JAM3: variants seen among roughly 807,000 people sequenced by gnomAD.
The protein encoded by JAM3 is junctional adhesion molecule C.
In JAM3, 31 loss-of-function variants were observed where a neutral mutation model predicts 39.4. The observed-to-expected ratio is 0.79, with a 90% CI of 0.59 to 1.06. The LOEUF (loss-of-function observed/expected upper bound fraction) is 1.06, where lower values mean the gene tolerates loss of function less well. Ranked by LOEUF, JAM3 falls within the 50% of genes least tolerant of loss-of-function variation. JAM3 has a pLI of 0.00. For synonymous variants in JAM3, 182 were observed against 148.7 expected, an observed-to-expected ratio of 1.22 and a Z score of -1.63; for missense variants, 455 against 391.4, an observed-to-expected ratio of 1.16 and a Z score of -1.37.
intron 1 of JAM3, among the ~76,000 whole-genome samples, chr11:134,090,896 A>G (rs182048686): frequency 1.1e-4 from 17 of 152,360 alleles, no homozygotes; most frequent in African/African-American, 4.1e-4. Context: ...TTCAAGTCCC[A>G]AACTTGAGTT....
chr11:134,097,568 G>A (rs1036583410), intron 1 of JAM3, among the ~76,000 whole-genome samples: 5 of 152,104 alleles, frequency 3.3e-5, no homozygotes, highest in African/African-American at 1.2e-4. Flanking sequence ...GCTGACTTCT[G>A]GTTGTGTAGT....
chr11:134,085,814 A>G (rs1452280210), intron 1 of JAM3, among the ~76,000 whole-genome samples: 1 of 152,204 alleles, frequency 6.6e-6, no homozygotes, highest in Non-Finnish European at 1.5e-5. Flanking sequence ...AGAACATCAC[A>G]GTGTAAGGAG....
intron 1 of JAM3, among the ~76,000 whole-genome samples, chr11:134,118,086 G>T (rs771632989): frequency 2.0e-4 from 31 of 152,144 alleles, no homozygotes; most frequent in Non-Finnish European, 4.0e-4. Flanking sequence ...TTCATGCCAA[G>T]GTCTTATGCT....
intron 3 of JAM3, among the ~76,000 whole-genome samples, chr11:134,143,811 A>G (rs60632066): frequency 0.16 from 23,987 of 152,216 alleles, 2,034 homozygotes; most frequent in African/African-American, 0.22. Flanking sequence ...TTTAACTCCT[A>G]TGTTAGGTCT....
chr11:134,101,963 A>G (rs1385993089), intron 1 of JAM3, among the ~76,000 whole-genome samples: 1 of 152,174 alleles, frequency 6.6e-6, no homozygotes, highest in African/African-American at 2.4e-5. Flanking sequence ...CTGAGGTGGG[A>G]GAATTGCTTG....
intron 1 of JAM3, among the ~76,000 whole-genome samples, chr11:134,102,610 C>A (rs1019248995): frequency 6.6e-6 from 1 of 152,094 alleles, no homozygotes; most frequent in Non-Finnish European, 1.5e-5. Context: ...AAGCTAAAAA[C>A]CTTGAAAAAA....
At position 134,100,764 on chromosome 11, in the gene JAM3, G is replaced by A. The variant is rs118064002; in HGVS notation, c.76+31605G>A. Among the ~76,000 whole-genome samples, 169 of 152,330 alleles carry A rather than the reference G, an allele frequency of 1.1e-3. 1 individual carries two copies. The East Asian group carries it at 0.029, about 26-fold the overall frequency. On this transcript the variant is annotated intron_variant, in intron 1 of 8. Coordinates refer to ENST00000299106, the MANE Select transcript of JAM3 (RefSeq NM_032801.5). Reference sequence around the variant, plus strand: ...TCCCCATCGTATGGATGAGAAAACAGAAAGATTGGTGAACATCCAAGCCAG... The same window carrying A: ...TCCCCATCGTATGGATGAGAAAACAAAAAGATTGGTGAACATCCAAGCCAG...
chr11:134,128,216 C>A (rs890636036), intron 1 of JAM3, among the ~76,000 whole-genome samples: 1 of 151,564 alleles, frequency 6.6e-6, no homozygotes, highest in Non-Finnish European at 1.5e-5. Context: ...GCTGGGGATG[C>A]CATTCCATGT....
At chr11:134,117,897 A>T (rs1942467304) in intron 1 of JAM3, among the ~76,000 whole-genome samples, 1 of 152,230 alleles carries the variant, frequency 6.6e-6, no homozygotes, top group African/African-American at 2.4e-5. Context: ...TGTGAGCCCT[A>T]AAGAGGCTAT....
At chr11:134,133,483 CTGAG>C (rs1294961408) in intron 1 of JAM3, among the ~76,000 whole-genome samples, 5 of 152,092 alleles carry the variant, frequency 3.3e-5, no homozygotes, top group Non-Finnish European at 5.9e-5. Context: ...TCCTAGTTTA[CTGAG>C]TGTTTTTATC....
In JAM3 at chr11:134,140,764, A is replaced by T. The variant is rs1226657221; in HGVS notation, c.250A>T (p.Ile84Phe). The T allele has an allele frequency of 3.1e-6, 5 of 1,613,104 alleles. No individual in the cohort carries two copies. Among genetic ancestry groups the T allele is most frequent in the Non-Finnish European group, 4.2e-6 (5 of 1,179,526 alleles). Residue 84 changes from isoleucine to phenylalanine, a missense_variant, in exon 3 of 9, where the codon ATT (isoleucine) becomes TTT (phenylalanine). Coordinates refer to ENST00000299106, the MANE Select transcript of JAM3 (RefSeq NM_032801.5). ...QTTYVFFDNK[I>F]QGDLAGRAEI... ...CACATATGTGTTTTTTGACAACAAA[A>T]TTCAGGGTATGATCCTGTAGTCCTC...
At chr11:134,091,741 G>A (rs1009685566) in intron 1 of JAM3, among the ~76,000 whole-genome samples, 1 of 151,982 alleles carries the variant, frequency 6.6e-6, no homozygotes, top group African/African-American at 2.4e-5. Context: ...CTGGATCAAG[G>A]ATGTATCATG....
rs191069572 is a variant in JAM3 at position 134,127,599 on chromosome 11, C to T, written c.77-12252C>T. On this transcript the variant is annotated intron_variant, in intron 1 of 8. Coordinates refer to ENST00000299106, the MANE Select transcript of JAM3 (RefSeq NM_032801.5). ...TCTGTAGTCCCAGCTACTCTGGAGGCTCAGGCAGGAGGATCACTTGAGCCC... is the reference window on the plus strand; with the variant it reads ...TCTGTAGTCCCAGCTACTCTGGAGGTTCAGGCAGGAGGATCACTTGAGCCC... Among the ~76,000 whole-genome samples the T allele has an allele frequency of 2.3e-3, 350 of 152,272 alleles. 1 individual carries two copies. The highest frequency in any genetic ancestry group is 0.017 in the South Asian group (80 of 4,810).
At chr11:134,071,893 C>T (rs560010540) in intron 1 of JAM3, among the ~76,000 whole-genome samples, 16 of 152,254 alleles carry the variant, frequency 1.1e-4, no homozygotes, top group African/African-American at 3.6e-4. Flanking sequence ...GCTGCTCATT[C>T]CCACATGACT....
At chr11:134,070,380 A>G in intron 1 of JAM3, 1 of 372,218 alleles carries the variant, frequency 2.7e-6, no homozygotes, top group East Asian at 7.2e-5. Context: ...TAAAACACGG[A>G]GGGACTGTTT....
At chr11:134,121,613 C>T (rs1194207289) in intron 1 of JAM3, among the ~76,000 whole-genome samples, 7 of 152,116 alleles carry the variant, frequency 4.6e-5, no homozygotes, top group Admixed American at 1.3e-4. Flanking sequence ...AGCAATACTT[C>T]ATTAAATCCA....
intron 1 of JAM3, among the ~76,000 whole-genome samples, chr11:134,080,603 C>T (rs1013077875): frequency 6.6e-6 from 1 of 152,196 alleles, no homozygotes; most frequent in African/African-American, 2.4e-5. Flanking sequence ...ATGCCTTTTA[C>T]CTTCTGCCGT....
intron 3 of JAM3, among the ~76,000 whole-genome samples, chr11:134,142,129 A>G (rs769678579): frequency 1.3e-5 from 2 of 152,244 alleles, no homozygotes; most frequent in South Asian, 4.2e-4. Context: ...CATCAGAGGA[A>G]CCAGGTGAGA....
At chr11:134,126,677 CAG>C (rs1344208648) in intron 1 of JAM3, among the ~76,000 whole-genome samples, 1 of 152,174 alleles carries the variant, frequency 6.6e-6, no homozygotes, top group Non-Finnish European at 1.5e-5. Flanking sequence ...AAGTCTATGA[CAG>C]AGCTAGGATA....
Sources: allele counts gnomAD v4.1 joint callset (sites outside exome capture counted in the v4.1 genomes callset), GRCh38; gene constraint gnomAD v4.1.1; transcripts MANE v1.5; gene names NCBI Gene and HGNC (gene_info 2026-07-23, HGNC 2026-07-21).